STPG2: variants seen among roughly 807,000 people sequenced by gnomAD.
STPG2 encodes the protein sperm-tail PG-rich repeat-containing protein 2.
A neutral mutation model predicts 54.2 loss-of-function variants in STPG2; 56 were observed. The observed-to-expected ratio is 1.03, with a 90% CI of 0.83 to 1.29. STPG2 has a LOEUF of 1.29. Among genes scored for constraint, STPG2 ranks in the 50% most tolerant of loss-of-function variants. The pLI is 0.00. For synonymous variants in STPG2, 200 were observed against 181.8 expected (o/e 1.10, Z -0.81); for missense variants, 596 against 544.9 (o/e 1.09, Z -0.93).
At chr4:97,802,775 C>G (rs1391025307) in intron 9 of STPG2, among the ~76,000 whole-genome samples, 1 of 152,022 alleles carries the variant, frequency 6.6e-6, no homozygotes, top group Admixed American at 6.6e-5. Flanking sequence ...CCGGCCCTAT[C>G]AAGTAAATAT....
intron 10 of STPG2, among the ~76,000 whole-genome samples, chr4:97,705,916 T>C (rs542809101): frequency 6.6e-6 from 1 of 152,026 alleles, no homozygotes; most frequent in Non-Finnish European, 1.5e-5. Flanking sequence ...ACATATCTAA[T>C]ATATAATAAC....
At chr4:98,099,842 G>C (rs1385025499) in intron 5 of STPG2, among the ~76,000 whole-genome samples, 1 of 151,742 alleles carries the variant, frequency 6.6e-6, no homozygotes, top group African/African-American at 2.4e-5. Context: ...AGCACAACAG[G>C]GGGACTATAG....
At chr4:97,951,574 T>A (rs1733473011) in intron 7 of STPG2, among the ~76,000 whole-genome samples, 1 of 152,102 alleles carries the variant, frequency 6.6e-6, no homozygotes, top group Non-Finnish European at 1.5e-5. Flanking sequence ...AATTGGTGCA[T>A]TCAGGAGTGA....
chr4:97,902,988 A>G (rs1244662510), intron 8 of STPG2, among the ~76,000 whole-genome samples: 1 of 152,160 alleles, frequency 6.6e-6, no homozygotes, highest in Non-Finnish European at 1.5e-5. Flanking sequence ...AAAAGTTTGC[A>G]TGATCTCACT....
At chr4:98,056,086 A>C (rs1211193514) in intron 5 of STPG2, among the ~76,000 whole-genome samples, 4 of 152,144 alleles carry the variant, frequency 2.6e-5, no homozygotes, top group African/African-American at 9.7e-5. Flanking sequence ...CAACACCAGC[A>C]CATGTGAGTG....
At chr4:97,809,060 T>C (rs1311543079) in intron 9 of STPG2, among the ~76,000 whole-genome samples, 1 of 152,076 alleles carries the variant, frequency 6.6e-6, no homozygotes, top group Non-Finnish European at 1.5e-5. Context: ...AAAATGCAGA[T>C]TAGACAACAT....
chr4:98,018,869 G>GTT (rs1297588753), intron 5 of STPG2, among the ~76,000 whole-genome samples: 1 of 147,954 alleles, frequency 6.8e-6, no homozygotes, highest in Non-Finnish European at 1.5e-5. Context: ...GGGGTTGTTT[G>GTT]TTTTTTTTTT....
intron 9 of STPG2, among the ~76,000 whole-genome samples, chr4:97,799,998 T>A (rs1727330711): frequency 6.6e-6 from 1 of 152,260 alleles, no homozygotes; most frequent in Non-Finnish European, 1.5e-5. Flanking sequence ...TGTGAATTTG[T>A]CACGTAGTTC....
At chr4:97,708,124 A>G (rs575445706) in intron 10 of STPG2, among the ~76,000 whole-genome samples, 1 of 152,292 alleles carries the variant, frequency 6.6e-6, no homozygotes, top group South Asian at 2.1e-4. Context: ...CGGCAAAAAC[A>G]AACATGAAAG....
At chr4:98,134,022 A>T (rs935647672) in intron 2 of STPG2, among the ~76,000 whole-genome samples, 1 of 151,930 alleles carries the variant, frequency 6.6e-6, no homozygotes, top group African/African-American at 2.4e-5. Flanking sequence ...CTCTAATGCC[A>T]TTCCTCTTCT....
chr4:98,065,452 T>C (rs1056655154), intron 5 of STPG2, among the ~76,000 whole-genome samples: 1 of 152,166 alleles, frequency 6.6e-6, no homozygotes, highest in African/African-American at 2.4e-5. Flanking sequence ...AAAAATAGAT[T>C]TCTTCCACAA....
At chr4:97,602,691 T>C (rs543836904) in intron 10 of STPG2, among the ~76,000 whole-genome samples, 141 of 151,840 alleles carry the variant, frequency 9.3e-4, no homozygotes, top group African/African-American at 3.1e-3. Context: ...ACTGAGATTA[T>C]TGCATGATTT....
At chr4:97,991,103 T>C (rs1228183415) in intron 5 of STPG2, among the ~76,000 whole-genome samples, 1 of 152,022 alleles carries the variant, frequency 6.6e-6, no homozygotes, top group Non-Finnish European at 1.5e-5. Flanking sequence ...GCCCATTGTA[T>C]CATTCTTATG....
chr4:97,637,722 A>G (rs1721608043), intron 10 of STPG2, among the ~76,000 whole-genome samples: 1 of 152,248 alleles, frequency 6.6e-6, no homozygotes, highest in African/African-American at 2.4e-5. Flanking sequence ...GAGCCAAATC[A>G]TGAGTGAACT....
chr4:97,669,919 A>G (rs1012688500), intron 10 of STPG2, among the ~76,000 whole-genome samples: 2 of 152,180 alleles, frequency 1.3e-5, no homozygotes, highest in African/African-American at 4.8e-5. Flanking sequence ...CATGTACAGA[A>G]GCCAAATTTA....
At chr4:97,815,157 T>C (rs1727867773) in intron 9 of STPG2, among the ~76,000 whole-genome samples, 1 of 152,102 alleles carries the variant, frequency 6.6e-6, no homozygotes, top group Non-Finnish European at 1.5e-5. Flanking sequence ...AACATAATGG[T>C]AGCGAAAGAA....
At chr4:98,065,636 T>C (rs1737810742) in intron 5 of STPG2, among the ~76,000 whole-genome samples, 1 of 152,170 alleles carries the variant, frequency 6.6e-6, no homozygotes, top group Non-Finnish European at 1.5e-5. Flanking sequence ...TTTTCAACTA[T>C]ACTTGAACAA....
intron 9 of STPG2, among the ~76,000 whole-genome samples, chr4:97,764,913 G>T (rs1725993435): frequency 6.6e-6 from 1 of 152,052 alleles, no homozygotes; most frequent in South Asian, 2.1e-4. Flanking sequence ...AAAAAGGGGT[G>T]CTAGAACCTC....
At chr4:97,928,755 A>AGC (rs1307252982) in intron 8 of STPG2, among the ~76,000 whole-genome samples, 18 of 152,212 alleles carry the variant, frequency 1.2e-4, no homozygotes, top group African/African-American at 4.3e-4. Flanking sequence ...GAAATGAGAA[A>AGC]TATGGAACAT....
Sources: allele counts gnomAD v4.1 joint callset (sites outside exome capture counted in the v4.1 genomes callset), GRCh38; gene constraint gnomAD v4.1.1; transcripts MANE v1.5; gene names NCBI Gene and HGNC (gene_info 2026-07-23, HGNC 2026-07-21).